The following DPP6 variants were observed in gnomAD, a reference collection of about 807,000 sequenced individuals.
DPP6 encodes the protein dipeptidyl peptidase like 6, also known as A-type potassium channel modulatory protein DPP6.
Under a neutral mutation model 122.6 loss-of-function variants are expected in DPP6, and 69 were observed. That is an observed-to-expected ratio of 0.56 (90% CI 0.46 to 0.69). DPP6 has a LOEUF of 0.69. Ranked by LOEUF, DPP6 falls within the 30% of genes least tolerant of loss-of-function variation. DPP6 has a pLI of 0.00. For synonymous variants in DPP6, 418 were observed against 433.1 expected, an observed-to-expected ratio of 0.97 and a Z score of 0.43; for missense variants, 928 against 1,116.9, an observed-to-expected ratio of 0.83 and a Z score of 2.41.
intron 6 of DPP6, among the ~76,000 whole-genome samples, chr7:154,650,047 C>CAGTG (rs1836769282): frequency 6.6e-6 from 1 of 152,158 alleles, no homozygotes; most frequent in Admixed American, 6.5e-5. Flanking sequence ...TGGGCCTGCG[C>CAGTG]AGTGATTCAT....
At chr7:154,191,237 T>A (rs1402379107) in intron 1 of DPP6, among the ~76,000 whole-genome samples, 4 of 152,218 alleles carry the variant, frequency 2.6e-5, no homozygotes, top group African/African-American at 7.2e-5. Context: ...ACTTGTAAGA[T>A]TTATAAACGA....
intron 5 of DPP6, among the ~76,000 whole-genome samples, chr7:154,611,821 A>G (rs1405811068): frequency 6.7e-6 from 1 of 149,414 alleles, no homozygotes; most frequent in Non-Finnish European, 1.5e-5. Flanking sequence ...ACATCAACTA[A>G]TCTTATTTAG....
At chr7:154,297,075 TTG>T (rs1220724842) in intron 1 of DPP6, among the ~76,000 whole-genome samples, 13 of 139,978 alleles carry the variant, frequency 9.3e-5, no homozygotes, top group African/African-American at 1.5e-4. Flanking sequence ...TTTTTTTTTT[TTG>T]TTTTGTTTTT....
rs893684935 is a variant in DPP6, at chr7:154,666,994, G to A, written c.681-2366G>A. ...TTCCCTACAGTCTCCCCAGCACCATGTGTCATACTTTTTTCTTCTTTTTCC... is the reference window on the plus strand; with the variant it reads ...TTCCCTACAGTCTCCCCAGCACCATATGTCATACTTTTTTCTTCTTTTTCC... On this transcript the variant is annotated intron_variant, in intron 6 of 25. Coordinates refer to ENST00000377770, the MANE Select transcript of DPP6 (RefSeq NM_130797.4). 2.0e-5 allele frequency among the ~76,000 whole-genome samples: 3 copies of A among 152,134 alleles called. No individual in the cohort carries two copies. The East Asian group carries it at 5.8e-4, about 29-fold the overall frequency.
At chr7:153,968,971 G>A (rs951065924) in intron 1 of DPP6, 9 of 151,916 alleles carry the variant, frequency 5.9e-5, no homozygotes, top group African/African-American at 1.9e-4. Context: ...CCCATTGGGT[G>A]TATTTACCAC....
chr7:153,775,393 T>C, the DPP6 span, among the ~76,000 whole-genome samples: 1 of 149,806 alleles, frequency 6.7e-6, no homozygotes, highest in Non-Finnish European at 1.5e-5. Context: ...AAAGTGGAAC[T>C]TATTTAACTT....
At chr7:154,467,884 T>C (rs979216746) in intron 2 of DPP6, among the ~76,000 whole-genome samples, 10 of 152,208 alleles carry the variant, frequency 6.6e-5, no homozygotes, top group African/African-American at 2.4e-4. Context: ...ATTTAAGCTC[T>C]TCAAAGGGCC....
chr7:154,523,783 A>G (rs1355196226), intron 3 of DPP6, among the ~76,000 whole-genome samples: 2 of 152,168 alleles, frequency 1.3e-5, no homozygotes, highest in African/African-American at 4.8e-5. Flanking sequence ...AGGTTTATCT[A>G]TAATGTCTAC....
chr7:154,653,639 TGATA>T (rs1407044839), intron 6 of DPP6, among the ~76,000 whole-genome samples: 1 of 152,194 alleles, frequency 6.6e-6, no homozygotes, highest in East Asian at 1.9e-4. Context: ...GAGAGATGAT[TGATA>T]GATAGAAAAC....
In DPP6 at chr7:154,262,008, GGAGGGAGAGAGGGAGA is replaced by G. The variant is rs570291443; in HGVS notation, c.244-184190_244-184175del. ...GTAAGCAGGGAAGGAAGGAAGGAAGGGAGGGAGAGAGGGAGAGAGGGAGAGAGGGAGGAAGGAGAAA... is the reference window on the plus strand; with the variant it reads ...GTAAGCAGGGAAGGAAGGAAGGAAGGGAGGGAGAGAGGGAGGAAGGAGAAA... On this transcript the variant is annotated intron_variant, in intron 1 of 25. Transcript: ENST00000377770. 3.3e-5 allele frequency among the ~76,000 whole-genome samples: 5 copies of G among 151,686 alleles called. No homozygotes were observed. The South Asian group carries it at 1.0e-3, about 32-fold the overall frequency.
At chr7:154,842,376 A>G (rs1210294465) in intron 16 of DPP6, among the ~76,000 whole-genome samples, 1 of 152,144 alleles carries the variant, frequency 6.6e-6, no homozygotes. Context: ...TTTTTTATTT[A>G]TTCTGATGAC....
chr7:154,287,554 C>T (rs996416021), intron 1 of DPP6, among the ~76,000 whole-genome samples: 5 of 152,154 alleles, frequency 3.3e-5, no homozygotes, highest in Admixed American at 2.0e-4. Flanking sequence ...AATTCTGTCT[C>T]AATGAGAAGA....
At chr7:154,388,387 C>A (rs1314405388) in intron 1 of DPP6, among the ~76,000 whole-genome samples, 2 of 152,332 alleles carry the variant, frequency 1.3e-5, no homozygotes, top group African/African-American at 4.8e-5. Context: ...AAGACATTGA[C>A]TTTCAAATCC....
At chr7:154,658,809 G>C (rs753837493) in intron 6 of DPP6, among the ~76,000 whole-genome samples, 1 of 152,240 alleles carries the variant, frequency 6.6e-6, no homozygotes, top group Non-Finnish European at 1.5e-5. Flanking sequence ...ACTCTGGGTG[G>C]TTGTGATGAT....
At chr7:154,743,775 T>C (rs1188183066) in intron 8 of DPP6, among the ~76,000 whole-genome samples, 19 of 150,828 alleles carry the variant, frequency 1.3e-4, no homozygotes, top group Admixed American at 1.2e-3. Context: ...ACGCAGGGGA[T>C]TGGTTCCAGG....
At chr7:154,012,680 T>C (rs963658678) in intron 1 of DPP6, among the ~76,000 whole-genome samples, 6 of 152,162 alleles carry the variant, frequency 3.9e-5, no homozygotes, top group African/African-American at 1.4e-4. Flanking sequence ...ATTTAAATCA[T>C]TGAACAGTTC....
chr7:154,368,818 G>A (rs1812401600), intron 1 of DPP6, among the ~76,000 whole-genome samples: 1 of 152,160 alleles, frequency 6.6e-6, no homozygotes, highest in Admixed American at 6.5e-5. Flanking sequence ...CTTTCAAATT[G>A]AAAATCAGAT....
chr7:154,022,559 T>C lies in DPP6; in HGVS notation c.51+134825T>C, dbSNP rs138956030. Among the ~76,000 whole-genome samples the C allele has an allele frequency of 8.2e-3, 1,254 of 152,310 alleles. 20 individuals carry two copies. The highest frequency in any genetic ancestry group is 0.029 in the African/African-American group (1,201 of 41,570). ...GCCTAATATGTGATTGAAAGATGCA[T>C]GTCCCCCTTCCTGCCATGGATGCTC... On this transcript the variant is annotated intron_variant, in intron 1 of 25. Coordinates refer to the DPP6 transcript ENST00000404039.
chr7:153,990,226 T>C (rs1797100566), intron 1 of DPP6, among the ~76,000 whole-genome samples: 1 of 83,296 alleles, frequency 1.2e-5, no homozygotes, highest in African/African-American at 4.4e-5. Flanking sequence ...CCCCACCCTC[T>C]TCCAGCCCCA....
Sources: gnomAD v4.1 joint callset for allele counts (sites outside exome capture counted in the v4.1 genomes callset) on GRCh38, gnomAD v4.1.1 for gene constraint, MANE v1.5 for transcripts, NCBI Gene and HGNC (gene_info 2026-07-23, HGNC 2026-07-21) for gene names.